Variants in CNTN5 observed in about 807,000 individuals in gnomAD.
CNTN5 encodes contactin 5, also known as contactin-5.
Under a neutral mutation model 129.1 loss-of-function variants are expected in CNTN5, and 77 were observed. That is an observed-to-expected ratio of 0.60 (90% confidence interval 0.50 to 0.72). The LOEUF (loss-of-function observed/expected upper bound fraction) is 0.72, where lower values mean the gene tolerates loss of function less well. Ranked by LOEUF, CNTN5 falls within the 30% of genes least tolerant of loss-of-function variation. The pLI is 0.00. For missense variants in CNTN5, 1,478 were observed against 1,328.8 expected (o/e 1.11, Z -1.75); for synonymous variants, 509 against 465.6 (o/e 1.09, Z -1.20).
chr11:99,916,153 C>G lies in CNTN5; in HGVS notation c.673+4C>G. 1 of 1,607,968 alleles carries G rather than the reference C, an allele frequency of 6.2e-7. No individual in the cohort carries two copies. Among genetic ancestry groups the G allele is most frequent in the Non-Finnish European group, 8.5e-7 (1 of 1,176,092 alleles). On this transcript the variant is annotated splice_donor_region_variant and intron_variant, in intron 7 of 24. Coordinates refer to ENST00000524871, the MANE Select transcript of CNTN5 (RefSeq NM_014361.4). ...TCTCCTCCGCCACATTCACCAGGTA[C>G]AGTAGGATCTCATTCTTTGCTGCTG...
At chr11:99,445,944 C>T (rs930341934) in intron 2 of CNTN5, among the ~76,000 whole-genome samples, 11 of 151,980 alleles carry the variant, frequency 7.2e-5, no homozygotes, top group Middle Eastern at 3.4e-3. Context: ...ATTAGCCAGG[C>T]GTGGTGGCAG....
chr11:99,110,069 A>G (rs774497951), intron 1 of CNTN5, among the ~76,000 whole-genome samples: 11 of 152,132 alleles, frequency 7.2e-5, no homozygotes, highest in Admixed American at 3.9e-4. Flanking sequence ...ATGAGAAAGC[A>G]TATCTCTTGA....
At chr11:100,258,440 C>CCA (rs1950124703) in intron 17 of CNTN5, among the ~76,000 whole-genome samples, 1 of 152,058 alleles carries the variant, frequency 6.6e-6, no homozygotes, top group Non-Finnish European at 1.5e-5. Context: ...AGAGAGAACA[C>CCA]CACAAAGATA....
intron 21 of CNTN5, chr11:100,337,173 G>A (rs1173701021): frequency 2.7e-6 from 4 of 1,474,790 alleles, no homozygotes; most frequent in African/African-American, 1.4e-5. Flanking sequence ...TTCACCAGTG[G>A]GTTGACACAG....
chr11:99,140,238 G>T (rs905981277), intron 1 of CNTN5, among the ~76,000 whole-genome samples: 2 of 151,926 alleles, frequency 1.3e-5, no homozygotes, highest in South Asian at 2.1e-4. Flanking sequence ...TAGGTTTGGG[G>T]TTACACATGG....
At chr11:99,140,574 T>C (rs746592812) in intron 1 of CNTN5, among the ~76,000 whole-genome samples, 2 of 152,156 alleles carry the variant, frequency 1.3e-5, no homozygotes, top group Non-Finnish European at 2.9e-5. Flanking sequence ...TTGTTCCAGT[T>C]CTCAAGGGGA....
intron 18 of CNTN5, among the ~76,000 whole-genome samples, chr11:100,292,831 G>A (rs1325275029): frequency 6.6e-6 from 1 of 151,922 alleles, no homozygotes; most frequent in African/African-American, 2.4e-5. Flanking sequence ...TCTCAATTCA[G>A]CATCTGAGAT....
chr11:99,227,270 GAAT>G (rs1860740881), intron 1 of CNTN5, among the ~76,000 whole-genome samples: 1 of 151,626 alleles, frequency 6.6e-6, no homozygotes. Flanking sequence ...TGAAGCAGGA[GAAT>G]CACTTGAACC....
At chr11:99,201,001 C>A (rs1390418440) in intron 1 of CNTN5, among the ~76,000 whole-genome samples, 1 of 135,926 alleles carries the variant, frequency 7.4e-6, no homozygotes, top group Non-Finnish European at 1.6e-5. Context: ...TGCCCACCTG[C>A]CTTCCTTCCT....
At chr11:99,881,826 G>A (rs937520326) in intron 6 of CNTN5, among the ~76,000 whole-genome samples, 3 of 152,144 alleles carry the variant, frequency 2.0e-5, no homozygotes, top group East Asian at 3.9e-4. Flanking sequence ...TTATTCAGCC[G>A]ACTACTATCT....
intron 1 of CNTN5, among the ~76,000 whole-genome samples, chr11:99,083,443 A>G (rs1416499166): frequency 1.3e-5 from 2 of 152,224 alleles, no homozygotes; most frequent in African/African-American, 4.8e-5. Context: ...TTGTTTATAC[A>G]TTAGCATATT....
At chr11:99,916,252 G>T (rs2136013730) in intron 7 of CNTN5, 103 bp downstream of exon 7, 1 of 837,792 alleles carries the variant, frequency 1.2e-6, no homozygotes, top group Non-Finnish European at 1.9e-6. Context: ...GGTGAAATGT[G>T]CATGGTTTTC....
chr11:99,314,297 G>A (rs980323296), intron 1 of CNTN5, among the ~76,000 whole-genome samples: 1 of 151,952 alleles, frequency 6.6e-6, no homozygotes, highest in Non-Finnish European at 1.5e-5. Flanking sequence ...AAATATTTTA[G>A]CTATCCATAT....
At chr11:99,776,812 C>T (rs543461353) in intron 3 of CNTN5, among the ~76,000 whole-genome samples, 15 of 151,560 alleles carry the variant, frequency 9.9e-5, no homozygotes, top group African/African-American at 3.4e-4. Context: ...TATTCAAAAG[C>T]GACTGCAAAG....
At chr11:100,067,771 G>T (rs977304694) in intron 10 of CNTN5, among the ~76,000 whole-genome samples, 1 of 151,780 alleles carries the variant, frequency 6.6e-6, no homozygotes, top group African/African-American at 2.4e-5. Context: ...ACAGCAAACA[G>T]ATATGATAGC....
chr11:99,453,317 A>G (rs2135201489), intron 2 of CNTN5, among the ~76,000 whole-genome samples: 1 of 152,308 alleles, frequency 6.6e-6, no homozygotes, highest in African/African-American at 2.4e-5. Flanking sequence ...GGAGAAAGGG[A>G]AAAAACTTGT....
intron 9 of CNTN5, among the ~76,000 whole-genome samples, chr11:100,011,859 T>G (rs890032851): frequency 7.9e-5 from 12 of 152,158 alleles, no homozygotes; most frequent in African/African-American, 2.9e-4. Context: ...TGCTCTTGTG[T>G]CCCATTGTAA....
intron 15 of CNTN5, among the ~76,000 whole-genome samples, chr11:100,217,149 C>A (rs1949153977): frequency 6.6e-6 from 1 of 152,176 alleles, no homozygotes; most frequent in Admixed American, 6.5e-5. Context: ...TGGTTGTTAC[C>A]TCTAACATTG....
intron 2 of CNTN5, among the ~76,000 whole-genome samples, chr11:99,550,267 A>T (rs2135520438): frequency 6.6e-6 from 1 of 152,208 alleles, no homozygotes; most frequent in African/African-American, 2.4e-5. Context: ...AAGCCAAAAT[A>T]TTTTTTTGCT....
Sources: allele counts gnomAD v4.1 joint callset (sites outside exome capture counted in the v4.1 genomes callset), GRCh38; gene constraint gnomAD v4.1.1; transcripts MANE v1.5; gene names NCBI Gene and HGNC (gene_info 2026-07-23, HGNC 2026-07-21).